Variants in SLC39A14 observed in about 807,000 individuals in gnomAD.
SLC39A14 encodes solute carrier family 39 member 14, also known as metal cation symporter ZIP14.
A neutral mutation model predicts 45.5 loss-of-function variants in SLC39A14; 19 were observed. That is an observed-to-expected ratio of 0.42 (90% CI 0.29 to 0.61). The LOEUF (loss-of-function observed/expected upper bound fraction) is 0.61. Among genes scored for constraint, SLC39A14 ranks in the 20% least tolerant of loss-of-function variants. SLC39A14 has a pLI of 0.22. For synonymous variants in SLC39A14, 264 were observed against 251.3 expected (o/e 1.05, Z -0.48); for missense variants, 447 against 616.5 (o/e 0.73, Z 2.91).
chr8:22,384,592 A>C (rs1833683976), intron 1 of SLC39A14, among the ~76,000 whole-genome samples: 1 of 152,030 alleles, frequency 6.6e-6, no homozygotes, highest in Non-Finnish European at 1.5e-5. Context: ...TACAAAAAAT[A>C]CAAAAATTAG....
intron 1 of SLC39A14, among the ~76,000 whole-genome samples, chr8:22,396,581 A>C (rs1228097463): frequency 2.3e-5 from 2 of 87,836 alleles, no homozygotes; most frequent in Non-Finnish European, 4.6e-5. Flanking sequence ...AGAGAGAGAG[A>C]GAGAGAGAGA....
intron 8 of SLC39A14, among the ~76,000 whole-genome samples, 168 bp from the exon 9 acceptor site, chr8:22,419,384 A>G (rs1054461646): frequency 6.6e-6 from 1 of 152,138 alleles, no homozygotes; most frequent in African/African-American, 2.4e-5. Context: ...GGGTTTCACC[A>G]TGTTGGTCAG....
chr8:22,407,864 C>T (rs950200678), intron 2 of SLC39A14, among the ~76,000 whole-genome samples: 2 of 152,062 alleles, frequency 1.3e-5, no homozygotes, highest in South Asian at 2.1e-4. Context: ...GTATGTGCCG[C>T]CACACCTCAC....
chr8:22,431,094 TCTC>T (rs1463089704), intron 8 of SLC39A14, among the ~76,000 whole-genome samples: 2 of 151,910 alleles, frequency 1.3e-5, no homozygotes, highest in African/African-American at 4.8e-5. Context: ...TTCAAACAAT[TCTC>T]CTGCCTCAGC....
intron 8 of SLC39A14, among the ~76,000 whole-genome samples, chr8:22,427,979 G>A (rs1836412239): frequency 6.6e-6 from 1 of 152,024 alleles, no homozygotes; most frequent in Non-Finnish European, 1.5e-5. Context: ...ACCAGCCCAG[G>A]CAACAGTGAG....
chr8:22,374,647 A>T (rs1833112665), intron 1 of SLC39A14, among the ~76,000 whole-genome samples: 1 of 151,750 alleles, frequency 6.6e-6, no homozygotes, highest in South Asian at 2.1e-4. Context: ...TCGGGTGTCT[A>T]AGGTACGAGT....
At position 22,404,426 on chromosome 8, in the gene SLC39A14, C is replaced by CAA. The variant is rs1338825974; in HGVS notation, c.-15-256_-15-255dup. On this transcript the variant is annotated intron_variant, in intron 1 of 8. Coordinates refer to ENST00000381237, the MANE Select transcript of SLC39A14 (RefSeq NM_001128431.4). Reference sequence around the variant, plus strand: ...TGGGCAACGAGTGAATCTCCCGTCTCAAAAAAAAAAAAAAATCATAACCGC... The same window carrying CAA: ...TGGGCAACGAGTGAATCTCCCGTCTCAAAAAAAAAAAAAAAAATCATAACCGC... 428 of 118,712 alleles carry CAA rather than the reference C, an allele frequency of 3.6e-3. 2 individuals are homozygous for CAA. Among genetic ancestry groups the CAA allele is most frequent in the African/African-American group, 0.017 (361 of 20,632 alleles). The allele number at this position is 118,712 out of a possible 1,614,324, so 7.4% of individuals were successfully genotyped here.
At chr8:22,429,980 C>G (rs1358415827) in intron 8 of SLC39A14, among the ~76,000 whole-genome samples, 1 of 152,154 alleles carries the variant, frequency 6.6e-6, no homozygotes, top group Non-Finnish European at 1.5e-5. Flanking sequence ...CGCAAGAATG[C>G]TGAGACAGAA....
chr8:22,422,059 A>G lies in SLC39A14; in HGVS notation c.*2361A>G. On this transcript the variant is annotated 3_prime_UTR_variant, in exon 9 of 9. Transcript: ENST00000381237. The stretch of plus-strand genomic sequence containing the variant: ...AACAGCTTTGCCTCATGAGTCAAAA[A>G]TTGGCAATTTCTTTTGATTTTTAGT... The G allele has an allele frequency of 1.0e-6, 1 of 985,440 alleles. No individual in the cohort carries two copies. Among genetic ancestry groups the G allele is most frequent in the Non-Finnish European group, 1.2e-6 (1 of 829,930 alleles). The allele number at this position is 985,440 out of a possible 1,614,324, so 61.0% of individuals were successfully genotyped here.
intron 8 of SLC39A14, among the ~76,000 whole-genome samples, chr8:22,430,616 T>G (rs1836451498): frequency 6.6e-6 from 1 of 152,122 alleles, no homozygotes; most frequent in Non-Finnish European, 1.5e-5. Context: ...TGTTCTGCAA[T>G]GATGCAAACA....
chr8:22,419,650 C>A lies in SLC39A14; in HGVS notation c.1431C>A (p.Thr477=). ...IQNLGLLTGF[T]IMVVLTMYSG... Reference sequence around the variant, plus strand: ...ACCTGGGCCTCCTGACTGGATTCACCATCATGGTGGTCCTCACCATGTATT... The same window carrying A: ...ACCTGGGCCTCCTGACTGGATTCACAATCATGGTGGTCCTCACCATGTATT... The change falls in exon 9 of 9, where the codon ACC becomes ACA. Residue 477 remains threonine (T), a synonymous_variant. Transcript: ENST00000381237. 1 of 1,614,058 alleles carries A rather than the reference C, an allele frequency of 6.2e-7. No individual in the cohort carries two copies. Among genetic ancestry groups the A allele is most frequent in the Non-Finnish European group, 8.5e-7 (1 of 1,179,930 alleles).
rs907405464 is a variant in SLC39A14, at chr8:22,403,341, G to A, written c.-15-1355G>A. On this transcript the variant is annotated intron_variant, in intron 1 of 8. Transcript: ENST00000381237. Reference sequence around the variant, plus strand: ...GTCGCCCAGGCTGGAGTGCAATGGCGCGATCTTGGCTCACTGCAACCTCTG... The same window carrying A: ...GTCGCCCAGGCTGGAGTGCAATGGCACGATCTTGGCTCACTGCAACCTCTG... Among the ~76,000 whole-genome samples, 143 of 150,752 alleles carry A rather than the reference G, an allele frequency of 9.5e-4. 1 individual carries two copies. Among genetic ancestry groups the A allele is most frequent in the African/African-American group, 3.2e-3 (131 of 41,080 alleles).
chr8:22,433,651 A>G (rs962836557), intron 8 of SLC39A14, among the ~76,000 whole-genome samples: 3 of 146,908 alleles, frequency 2.0e-5, no homozygotes, highest in Non-Finnish European at 4.5e-5. Flanking sequence ...CGCCCACCTC[A>G]GCCTCCCAAG....
At chr8:22,393,030 A>G (rs1834169063) in intron 1 of SLC39A14, 1 of 160,754 alleles carries the variant, frequency 6.2e-6, no homozygotes, top group African/African-American at 2.4e-5. Flanking sequence ...GGGTCACCAG[A>G]GTTTTTATTA....
At chr8:22,378,785 C>T (rs1327266070) in intron 1 of SLC39A14, among the ~76,000 whole-genome samples, 1 of 152,176 alleles carries the variant, frequency 6.6e-6, no homozygotes, top group Non-Finnish European at 1.5e-5. Flanking sequence ...TTCATGGGTC[C>T]CGCCCATACA....
Position 22,400,805 on chromosome 8 carries a change from G to A in SLC39A14, c.-15-3891G>A, listed in dbSNP as rs115674876. ...TGTGTGCCCCAGGGCCTGTAGTTAA[G>A]ATACTTTAGTTGGCCACAGGATATG... On this transcript the variant is annotated intron_variant, in intron 1 of 8. Coordinates refer to ENST00000381237, the MANE Select transcript of SLC39A14 (RefSeq NM_001128431.4). Among the ~76,000 whole-genome samples, 456 of 152,344 alleles carry A rather than the reference G, an allele frequency of 3.0e-3. 1 individual carries two copies. Among genetic ancestry groups the A allele is most frequent in the African/African-American group, 0.01 (433 of 41,566 alleles).
At position 22,416,876 on chromosome 8, in the gene SLC39A14, T is replaced by C. The variant is rs113706483; in HGVS notation, c.1147+596T>C. 6.3e-4 allele frequency among the ~76,000 whole-genome samples: 96 copies of C among 152,282 alleles called. 3 individuals are homozygous for C. Among genetic ancestry groups the C allele is most frequent in the African/African-American group, 2.3e-3 (94 of 41,550 alleles). The stretch of plus-strand genomic sequence containing the variant: ...TTAATAAGAGCACCTCCTTTTAGAA[T>C]AATAGTGAGGATTAAAGGAAAACAA... On this transcript the variant is annotated intron_variant, in intron 7 of 8. Coordinates refer to ENST00000381237, the MANE Select transcript of SLC39A14 (RefSeq NM_001128431.4).
At chr8:22,372,986 G>C (rs889046576) in intron 1 of SLC39A14, among the ~76,000 whole-genome samples, 1 of 151,958 alleles carries the variant, frequency 6.6e-6, no homozygotes, top group Non-Finnish European at 1.5e-5. Flanking sequence ...TGTTTTGAAC[G>C]GGCGCAGTGA....
chr8:22,423,218 A>G (rs1238592883), downstream of SLC39A14, among the ~76,000 whole-genome samples: 6 of 152,088 alleles, frequency 3.9e-5, no homozygotes, highest in Non-Finnish European at 8.8e-5. Context: ...ATCTCGGTTC[A>G]CTGCAGCCTC....
Sources: allele counts gnomAD v4.1 joint callset (sites outside exome capture counted in the v4.1 genomes callset), GRCh38; gene constraint gnomAD v4.1.1; transcripts MANE v1.5; gene names NCBI Gene and HGNC (gene_info 2026-07-23, HGNC 2026-07-21).